PPP2R5E: variants seen among roughly 807,000 people sequenced by gnomAD.
The protein encoded by PPP2R5E is protein phosphatase 2 regulatory subunit B'epsilon, also known as serine/threonine-protein phosphatase 2A 56 kDa regulatory subunit epsilon isoform.
Under a neutral mutation model 65.3 loss-of-function variants are expected in PPP2R5E, and 4 were observed. The ratio of observed to expected loss-of-function variants is 0.06; its 90% confidence interval spans 0.03 to 0.14. The LOEUF is 0.14. PPP2R5E is among the 10% of genes least tolerant of loss of function. PPP2R5E has a pLI of 1.00. For missense variants in PPP2R5E, 274 were observed against 556.1 expected, an observed-to-expected ratio of 0.49 and a Z score of 5.10; for synonymous variants, 183 against 187.4, an observed-to-expected ratio of 0.98 and a Z score of 0.19.
Position 63,372,133 on chromosome 14 carries a change from A to G in PPP2R5E, c.*3876T>C, listed in dbSNP as rs1488764267. The G allele has an allele frequency of 1.3e-5, 2 of 151,950 alleles. No individual in the cohort carries two copies. The highest frequency in any genetic ancestry group is 4.8e-5 in the African/African-American group (2 of 41,406). The allele number at this position is 151,950 out of a possible 1,614,324, so 9.4% of individuals were successfully genotyped here. A position where few individuals can be genotyped will look rare whatever the true frequency, so the allele number is the denominator to read the frequency against. ...GGGGAAGGAGGGAGGGAAGGAAGAA[A>G]AGGAAACCTATATTCATAGACATCA... is the stretch of plus-strand genomic sequence containing the variant. On this transcript the variant is annotated 3_prime_UTR_variant, in exon 14 of 14. Transcript: ENST00000337537.
chr14:63,467,239 C>CAAAAAA (rs1237118716), intron 2 of PPP2R5E, among the ~76,000 whole-genome samples: 3 of 117,200 alleles, frequency 2.6e-5, no homozygotes, highest in South Asian at 5.1e-4. Flanking sequence ...AACAAACAAA[C>CAAAAAA]AAACAAAAAA....
rs1883694190 is a variant in PPP2R5E at position 63,371,643 on chromosome 14, C to T, written c.*4366G>A. 6.6e-6 allele frequency: 1 copy of T among 152,154 alleles called. No individual in the cohort carries two copies. Among genetic ancestry groups the T allele is most frequent in the African/African-American group, 2.4e-5 (1 of 41,428 alleles). 9.4% of individuals were successfully genotyped at this position (152,154 alleles called of 1,614,324 possible). On this transcript the variant is annotated 3_prime_UTR_variant, in exon 14 of 14. Transcript: ENST00000337537. ...AAGTTTGATGTGGATCAGAAGTCTT[C>T]ACTGTCTGGTTGAACCAGTCTATAA...
At chr14:63,501,373 C>A (rs907123614) in intron 2 of PPP2R5E, among the ~76,000 whole-genome samples, 2 of 150,406 alleles carry the variant, frequency 1.3e-5, no homozygotes, top group African/African-American at 4.9e-5. Context: ...CCACTGCACT[C>A]CAGCCTGGGC....
chr14:63,490,935 T>G (rs8012085), intron 2 of PPP2R5E, among the ~76,000 whole-genome samples: 23,140 of 151,764 alleles, frequency 0.15, 1,865 homozygotes, highest in East Asian at 0.21. Context: ...ACACCTGCAC[T>G]CTCATGTTCA....
chr14:63,455,333 G>T (rs1488009233), intron 2 of PPP2R5E, among the ~76,000 whole-genome samples: 1 of 152,182 alleles, frequency 6.6e-6, no homozygotes, highest in Admixed American at 6.5e-5. Flanking sequence ...AAACCTAGAT[G>T]AGAGTGGATA....
intron 2 of PPP2R5E, among the ~76,000 whole-genome samples, chr14:63,487,558 ATT>A (rs1254616011): frequency 1.3e-5 from 2 of 152,168 alleles, no homozygotes; most frequent in African/African-American, 4.8e-5. Flanking sequence ...CAATCTAATG[ATT>A]TCTGAAAAGC....
At chr14:63,514,179 C>G (rs942245707) in intron 2 of PPP2R5E, among the ~76,000 whole-genome samples, 16 of 152,124 alleles carry the variant, frequency 1.1e-4, no homozygotes, top group African/African-American at 3.9e-4. Context: ...TAAATACTAC[C>G]CAATAAATTT....
At chr14:63,437,494 A>G (rs1888001476) in intron 3 of PPP2R5E, among the ~76,000 whole-genome samples, 2 of 152,156 alleles carry the variant, frequency 1.3e-5, no homozygotes, top group Non-Finnish European at 2.9e-5. Flanking sequence ...CACATTTTGC[A>G]CTTTGTTATT....
At chr14:63,497,157 A>T (rs144048152) in intron 2 of PPP2R5E, among the ~76,000 whole-genome samples, 1 of 152,270 alleles carries the variant, frequency 6.6e-6, no homozygotes, top group East Asian at 1.9e-4. Context: ...GGCAGTTATG[A>T]TCACAAACAT....
At chr14:63,494,567 C>CAA (rs1017622806) in intron 2 of PPP2R5E, among the ~76,000 whole-genome samples, 1 of 149,148 alleles carries the variant, frequency 6.7e-6, no homozygotes, top group Non-Finnish European at 1.5e-5. Flanking sequence ...AAAAGACAAC[C>CAA]AAAAAAAAAT....
At chr14:63,376,204 C>T in intron 13 of PPP2R5E, 96 bp from the exon 14 acceptor site, 1 of 818,434 alleles carries the variant, frequency 1.2e-6, no homozygotes, top group Non-Finnish European at 1.9e-6. Context: ...CTCCTTTATA[C>T]TTAGCTTAAT....
chr14:63,516,448 G>GA (rs1263232398), intron 2 of PPP2R5E, among the ~76,000 whole-genome samples: 4 of 152,146 alleles, frequency 2.6e-5, no homozygotes, highest in African/African-American at 7.2e-5. Flanking sequence ...CACAGATGAA[G>GA]AAAAAATGTT....
intron 5 of PPP2R5E, among the ~76,000 whole-genome samples, chr14:63,405,373 G>A (rs532290966): frequency 6.6e-6 from 1 of 152,220 alleles, no homozygotes; most frequent in African/African-American, 2.4e-5. Flanking sequence ...TTTTTAATAG[G>A]TTGGTTTGTG....
Position 63,449,622 on chromosome 14 carries a change from T to C in PPP2R5E, c.354+4067A>G, listed in dbSNP as rs577811172. Among the ~76,000 whole-genome samples, 3 of 152,224 alleles carry C rather than the reference T, an allele frequency of 2.0e-5. No individual in the cohort carries two copies. The South Asian group carries it at 6.2e-4, about 32-fold the overall frequency. ...ACACGTTCTATGGACTGTATATGTA[T>C]GTATGGTGTTGAGTACCCTGATATG... On this transcript the variant is annotated intron_variant, in intron 3 of 13. Coordinates refer to ENST00000337537, the MANE Select transcript of PPP2R5E (RefSeq NM_006246.5).
rs111630017 is a variant in PPP2R5E at position 63,442,755 on chromosome 14, G to T, written c.354+10934C>A. Among the ~76,000 whole-genome samples the T allele has an allele frequency of 2.0e-3, 301 of 152,218 alleles. 4 individuals are homozygous for T. The highest frequency in any genetic ancestry group is 6.7e-3 in the African/African-American group (279 of 41,508). On this transcript the variant is annotated intron_variant, in intron 3 of 13. Coordinates refer to ENST00000337537, the MANE Select transcript of PPP2R5E (RefSeq NM_006246.5). Reference sequence around the variant, plus strand: ...GGGAAAACATAGGATATACGTATGGGATTCAGTACTATCCACAGTTTCAGG... The same window carrying T: ...GGGAAAACATAGGATATACGTATGGTATTCAGTACTATCCACAGTTTCAGG...
At chr14:63,480,892 C>T (rs1172237213) in intron 2 of PPP2R5E, among the ~76,000 whole-genome samples, 1 of 152,174 alleles carries the variant, frequency 6.6e-6, no homozygotes, top group Admixed American at 6.5e-5. Flanking sequence ...CTCACTGATC[C>T]CAAACCTTAG....
intron 2 of PPP2R5E, among the ~76,000 whole-genome samples, chr14:63,537,705 CTG>C (rs1427108141): frequency 1.3e-5 from 2 of 152,132 alleles, no homozygotes; most frequent in Non-Finnish European, 2.9e-5. Context: ...ATTTCACAAA[CTG>C]TTACAGAAAT....
chr14:63,482,628 T>C (rs1188663200), intron 2 of PPP2R5E, among the ~76,000 whole-genome samples: 1 of 152,210 alleles, frequency 6.6e-6, no homozygotes, highest in African/African-American at 2.4e-5. Flanking sequence ...ATGAAACACA[T>C]CTGGCTGACT....
chr14:63,384,614 C>CA, intron 11 of PPP2R5E, 43 bp from the exon 12 acceptor site: 1 of 1,514,074 alleles, frequency 6.6e-7, no homozygotes, highest in Non-Finnish European at 9.0e-7. Flanking sequence ...GAGAAAAAGA[C>CA]AAAGATAAAA....
Sources: allele counts gnomAD v4.1 joint callset (sites outside exome capture counted in the v4.1 genomes callset), GRCh38; gene constraint gnomAD v4.1.1; transcripts MANE v1.5; gene names NCBI Gene and HGNC (gene_info 2026-07-23, HGNC 2026-07-21).